The following DAAM1 variants were observed in gnomAD, a reference collection of about 807,000 sequenced individuals.
DAAM1 encodes dishevelled associated activator of morphogenesis 1, also known as disheveled-associated activator of morphogenesis 1.
In DAAM1, 52 loss-of-function variants were observed where a neutral mutation model predicts 130.0. The ratio of observed to expected loss-of-function variants is 0.40; its 90% CI spans 0.32 to 0.50. DAAM1 has a LOEUF of 0.50. DAAM1 is among the 20% of genes least tolerant of loss of function. DAAM1 has a pLI of 0.61. For synonymous variants in DAAM1, 452 were observed against 444.5 expected (o/e 1.02, Z -0.21); for missense variants, 1,134 against 1,303.8 (o/e 0.87, Z 2.01).
At chr14:59,320,942 C>T (rs949902628) in intron 5 of DAAM1, among the ~76,000 whole-genome samples, 3 of 152,094 alleles carry the variant, frequency 2.0e-5, no homozygotes, top group Non-Finnish European at 2.9e-5. Context: ...CCATATGACT[C>T]AATAATTCTG....
chr14:59,323,649 G>A (rs560870569), intron 6 of DAAM1, among the ~76,000 whole-genome samples: 5 of 152,354 alleles, frequency 3.3e-5, no homozygotes, highest in South Asian at 4.1e-4. Context: ...TATGTATGAT[G>A]TAAGAATTTT....
At chr14:59,268,104 T>C (rs1331840927) in intron 2 of DAAM1, among the ~76,000 whole-genome samples, 1 of 152,080 alleles carries the variant, frequency 6.6e-6, no homozygotes, top group East Asian at 1.9e-4. Flanking sequence ...GGTTTTGCCA[T>C]GTTGGTCAGG....
chr14:59,267,453 T>C (rs17833876), intron 2 of DAAM1, among the ~76,000 whole-genome samples: 10,159 of 152,084 alleles, frequency 0.067, 433 homozygotes, highest in Non-Finnish European at 0.098. Context: ...TACCTCAGGA[T>C]TTAGCATTGT....
In DAAM1 at chr14:59,331,257, G is replaced by A. The variant is rs878938548; in HGVS notation, c.1609G>A (p.Gly537Arg). The A allele has an allele frequency of 3.1e-6, 5 of 1,612,930 alleles. No homozygotes were observed. The South Asian group carries it at 5.5e-5, about 18-fold the overall frequency. The change falls in exon 14 of 25, where the codon GGA becomes AGA. Residue 537 changes from glycine (G) to arginine (R), a missense_variant. Coordinates refer to ENST00000360909, the MANE Select transcript of DAAM1 (RefSeq NM_001270520.2). ...IPGGPSPGAP[G>R]GPFPSSVPGS... ...AGGTGGACCCTCGCCTGGAGCACCAGGAGGGCCCTTTCCTTCCTCTGTGCC... is the reference window on the plus strand; with the variant it reads ...AGGTGGACCCTCGCCTGGAGCACCAAGAGGGCCCTTTCCTTCCTCTGTGCC...
At chr14:59,352,106 G>T (rs10137063) in intron 17 of DAAM1, among the ~76,000 whole-genome samples, 23 of 152,298 alleles carry the variant, frequency 1.5e-4, no homozygotes, top group African/African-American at 5.5e-4. Context: ...CACAGAGCTG[G>T]GAGTCAAGAG....
chr14:59,272,582 AAAC>A (rs1241375626), intron 2 of DAAM1, among the ~76,000 whole-genome samples: 9 of 96,218 alleles, frequency 9.4e-5, no homozygotes, highest in Non-Finnish European at 1.7e-4. Context: ...CTCAAAAAAC[AAAC>A]AAACAAACAA....
intron 19 of DAAM1, 118 bp downstream of exon 19, chr14:59,354,082 A>G: frequency 1.1e-6 from 1 of 937,608 alleles, no homozygotes; most frequent in Non-Finnish European, 1.6e-6. Flanking sequence ...TTTTTTTGAG[A>G]CGGAGTCTTG....
intron 1 of DAAM1, among the ~76,000 whole-genome samples, chr14:59,221,934 C>T (rs994477711): frequency 6.6e-6 from 1 of 152,148 alleles, no homozygotes; most frequent in Non-Finnish European, 1.5e-5. Flanking sequence ...GTGGTGCCAC[C>T]CACTCCCATT....
chr14:59,189,712 CTGAG>C (rs1887669821), intron 1 of DAAM1, among the ~76,000 whole-genome samples: 1 of 152,208 alleles, frequency 6.6e-6, no homozygotes, highest in Non-Finnish European at 1.5e-5. Context: ...GGCTTGCCCT[CTGAG>C]TGGAGACGTG....
chr14:59,362,919 C>T (rs538098988), intron 22 of DAAM1: 2 of 152,254 alleles, frequency 1.3e-5, no homozygotes, highest in African/African-American at 2.4e-5. Context: ...GCCCTCCAAA[C>T]CTTAATTTAT....
In DAAM1 at chr14:59,347,631, A is replaced by T; in HGVS notation, c.2160+8A>T. On this transcript the variant is annotated splice_region_variant and intron_variant, in intron 17 of 24. Coordinates refer to ENST00000360909, the MANE Select transcript of DAAM1 (RefSeq NM_001270520.2). The stretch of plus-strand genomic sequence containing the variant: ...AAGGACATGTTGGAACAGGTGAGCT[A>T]CCAGATGTATCTGAGAGCAGAAGTG... The T allele has an allele frequency of 1.2e-6, 2 of 1,613,264 alleles. No homozygotes were observed. Among genetic ancestry groups the T allele is most frequent in the Non-Finnish European group, 1.7e-6 (2 of 1,179,432 alleles).
intron 1 of DAAM1, among the ~76,000 whole-genome samples, chr14:59,208,825 C>G (rs989971262): frequency 2.7e-4 from 41 of 152,084 alleles, no homozygotes; most frequent in African/African-American, 9.9e-4. Context: ...TGGGTTCTCG[C>G]TCAGTTCAGG....
rs369664989 is a variant in DAAM1 at position 59,222,183 on chromosome 14, C to T, written c.-38+33415C>T. On this transcript the variant is annotated intron_variant, in intron 1 of 24. Coordinates refer to ENST00000360909, the MANE Select transcript of DAAM1 (RefSeq NM_001270520.2). ...GGAACATGGTAAGACTATTGAATTCCGTGAGTTCGGGCCCCTTTCCTCATT... is the reference window on the plus strand; with the variant it reads ...GGAACATGGTAAGACTATTGAATTCTGTGAGTTCGGGCCCCTTTCCTCATT... 9.9e-5 allele frequency among the ~76,000 whole-genome samples: 15 copies of T among 152,242 alleles called. No individual in the cohort carries two copies. In the East Asian group the frequency reaches 1.7e-3, roughly 18 times the overall value.
chr14:59,326,644 C>T lies in DAAM1; in HGVS notation c.1309C>T (p.Arg437Ter). ...AAACTTTAATATTAAGAATGTCGTA[C>T]GAATGTAAGTCTCTTCTTATTCTGC... ...LENFNIKNVVRMLVNENEVKQ... is the reference protein window; with the variant it reads ...LENFNIKNVV The change falls in exon 11 of 25, where the codon CGA (arginine) becomes TGA (stop). Residue 437 changes from arginine (R) to a stop codon, truncating the protein, a stop_gained. Coordinates refer to ENST00000360909, the MANE Select transcript of DAAM1 (RefSeq NM_001270520.2). LOFTEE classifies it high-confidence loss of function. The T allele has an allele frequency of 1.9e-6, 3 of 1,611,694 alleles. No homozygotes were observed. Among genetic ancestry groups the T allele is most frequent in the Non-Finnish European group, 1.7e-6 (2 of 1,179,402 alleles).
chr14:59,249,009 G>A (rs568009452), intron 1 of DAAM1, among the ~76,000 whole-genome samples: 21 of 152,268 alleles, frequency 1.4e-4, no homozygotes, highest in East Asian at 3.9e-4. Flanking sequence ...GGATGGTCTC[G>A]ATCTCCTGAC....
chr14:59,270,595 A>G (rs1882667697), intron 2 of DAAM1, among the ~76,000 whole-genome samples: 1 of 152,170 alleles, frequency 6.6e-6, no homozygotes, highest in South Asian at 2.1e-4. Context: ...AGCAATTCTG[A>G]ATATGTTTTC....
intron 23 of DAAM1, among the ~76,000 whole-genome samples, chr14:59,366,924 A>AG (rs1297822546): frequency 6.6e-6 from 1 of 151,812 alleles, no homozygotes; most frequent in Admixed American, 6.6e-5. Context: ...TCTATTAAAA[A>AG]AAAAAAAAAC....
At chr14:59,275,704 T>C (rs1450903360) in intron 2 of DAAM1, among the ~76,000 whole-genome samples, 1 of 152,236 alleles carries the variant, frequency 6.6e-6, no homozygotes, top group East Asian at 1.9e-4. Flanking sequence ...ATAGTCTGCA[T>C]TGCTTGCTAT....
intron 20 of DAAM1, among the ~76,000 whole-genome samples, chr14:59,358,549 A>T (rs1886574952): frequency 6.6e-6 from 1 of 152,270 alleles, no homozygotes; most frequent in South Asian, 2.1e-4. Flanking sequence ...ACCTTATTAA[A>T]AACTATCAGT....
Sources: gnomAD v4.1 joint callset for allele counts (sites outside exome capture counted in the v4.1 genomes callset) on GRCh38, gnomAD v4.1.1 for gene constraint, MANE v1.5 for transcripts, NCBI Gene and HGNC (gene_info 2026-07-23, HGNC 2026-07-21) for gene names.